The following MRAP2 variants were observed in gnomAD, a reference collection of about 807,000 sequenced individuals.
MRAP2 encodes melanocortin 2 receptor accessory protein 2, also known as melanocortin-2 receptor accessory protein 2.
Under a neutral mutation model 17.4 loss-of-function variants are expected in MRAP2, and 20 were observed. The ratio of observed to expected loss-of-function variants is 1.15; its 90% confidence interval spans 0.81 to 1.67. The LOEUF (loss-of-function observed/expected upper bound fraction) is 1.67, where lower values mean the gene tolerates loss of function less well. MRAP2 is among the 40% of genes most tolerant of loss of function. MRAP2 has a pLI of 0.00. For missense variants in MRAP2, 238 were observed against 240.0 expected, an observed-to-expected ratio of 0.99 and a Z score of 0.05; for synonymous variants, 96 against 88.4, an observed-to-expected ratio of 1.09 and a Z score of -0.48.
intron 3 of MRAP2, among the ~76,000 whole-genome samples, chr6:84,082,322 C>T (rs888929023): frequency 1.3e-5 from 2 of 152,112 alleles, no homozygotes; most frequent in African/African-American, 4.8e-5. Context: ...TTTTCTCTCT[C>T]GTATTAGTAT....
Position 84,055,308 on chromosome 6 carries a change from G to A in MRAP2, c.-7-4G>A, listed in dbSNP as rs754795029. The A allele has an allele frequency of 3.7e-6, 6 of 1,604,388 alleles. No individual in the cohort carries two copies. In the South Asian group the frequency reaches 4.5e-5, roughly 12 times the overall value. ...TCTGCGCTTGACTTTCTCCATTTGT[G>A]CAGGTCGGAGATGTCCGCCCAGAGG... On this transcript the variant is annotated splice_region_variant and splice_polypyrimidine_tract_variant and intron_variant, in intron 1 of 3. Coordinates refer to ENST00000257776, the MANE Select transcript of MRAP2 (RefSeq NM_138409.4).
At chr6:84,064,772 C>A (rs932032957) in intron 3 of MRAP2, among the ~76,000 whole-genome samples, 3 of 152,112 alleles carry the variant, frequency 2.0e-5, no homozygotes, top group Non-Finnish European at 4.4e-5. Context: ...CAGGCGTGAG[C>A]CACCGCGCCG....
the MRAP2 span, among the ~76,000 whole-genome samples, chr6:84,133,347 C>T: frequency 6.6e-6 from 1 of 151,830 alleles, no homozygotes; most frequent in Non-Finnish European, 1.5e-5. Context: ...GTTCTCAGAT[C>T]TCAAACTCCA....
chr6:84,049,981 C>CGTGTGTGTGTGTGTGTGTGTGT (rs566111982), intron 1 of MRAP2, among the ~76,000 whole-genome samples: 9 of 134,368 alleles, frequency 6.7e-5, no homozygotes, highest in African/African-American at 2.7e-4. Flanking sequence ...TGCGTGCATT[C>CGTGTGTGTGTGTGTGTGTGTGT]ATGTGTGTGT....
At chr6:84,107,132 C>T in the MRAP2 span, among the ~76,000 whole-genome samples, 1 of 152,102 alleles carries the variant, frequency 6.6e-6, no homozygotes, top group Admixed American at 6.6e-5. Context: ...GCAGAGCAGT[C>T]TGTACAACAG....
intron 1 of MRAP2, among the ~76,000 whole-genome samples, chr6:84,054,911 A>G (rs187122794): frequency 1.1e-3 from 170 of 152,332 alleles, no homozygotes; most frequent in African/African-American, 4.0e-3. Flanking sequence ...AGTATCAGCA[A>G]TGAACTAGTT....
intron 1 of MRAP2, among the ~76,000 whole-genome samples, chr6:84,046,780 C>CAAA (rs756963425): frequency 0.015 from 336 of 23,126 alleles, 27 homozygotes; most frequent in African/African-American, 0.041. Context: ...AACTCCATCT[C>CAAA]AAAAAAAAAA....
chr6:84,120,039 A>T, the MRAP2 span, among the ~76,000 whole-genome samples: 2 of 152,202 alleles, frequency 1.3e-5, no homozygotes, highest in South Asian at 4.1e-4. Context: ...TGGAGAAATG[A>T]AAGCCAGAGG....
intron 1 of MRAP2, among the ~76,000 whole-genome samples, chr6:84,036,840 T>C (rs972673649): frequency 1.3e-5 from 2 of 152,232 alleles, no homozygotes; most frequent in African/African-American, 4.8e-5. Flanking sequence ...ATCCCTGAGC[T>C]AGACACAGAG....
intron 1 of MRAP2, among the ~76,000 whole-genome samples, chr6:84,051,358 A>C (rs2129162847): frequency 6.6e-6 from 1 of 152,314 alleles, no homozygotes; most frequent in African/African-American, 2.4e-5. Flanking sequence ...GAGTTTGTAG[A>C]CCAGCCTGGC....
At chr6:84,055,593 C>T in intron 2 of MRAP2, 148 bp downstream of exon 2, 3 of 745,692 alleles carry the variant, frequency 4.0e-6, no homozygotes, top group Non-Finnish European at 4.3e-6. Flanking sequence ...ATCTCGCCTC[C>T]ACACATAGGC....
the MRAP2 span, among the ~76,000 whole-genome samples, chr6:84,138,370 G>A: frequency 1.3e-5 from 2 of 152,152 alleles, no homozygotes; most frequent in Non-Finnish European, 2.9e-5. Flanking sequence ...GAAGCCAGTG[G>A]AAATAGCCTG....
the MRAP2 span, chr6:84,125,382 G>A: frequency 5.6e-6 from 5 of 898,188 alleles, no homozygotes; most frequent in African/African-American, 6.7e-5. Flanking sequence ...GGGGAACTCA[G>A]GTAAATCATA....
At chr6:84,076,560 A>G (rs929225332) in intron 3 of MRAP2, among the ~76,000 whole-genome samples, 26 of 152,046 alleles carry the variant, frequency 1.7e-4, no homozygotes, top group African/African-American at 6.3e-4. Context: ...GGGTTTCACC[A>G]CGTTGCCCAG....
downstream of MRAP2, among the ~76,000 whole-genome samples, chr6:84,095,700 A>G (rs2099502560): frequency 6.6e-6 from 1 of 152,174 alleles, no homozygotes; most frequent in African/African-American, 2.4e-5. Context: ...CCCAGAAAAG[A>G]TGTGTAGTAG....
intron 2 of MRAP2, among the ~76,000 whole-genome samples, chr6:84,057,451 T>G (rs1038361260): frequency 6.6e-6 from 1 of 152,240 alleles, no homozygotes; most frequent in African/African-American, 2.4e-5. Context: ...CTGCTGAAAT[T>G]AAGATTCCTA....
At chr6:84,050,780 C>G (rs1240062641) in intron 1 of MRAP2, among the ~76,000 whole-genome samples, 1 of 152,144 alleles carries the variant, frequency 6.6e-6, no homozygotes, top group Non-Finnish European at 1.5e-5. Context: ...GGGTGGCATG[C>G]CTACTTTTGG....
chr6:84,042,370 G>A (rs923678672), intron 1 of MRAP2, among the ~76,000 whole-genome samples: 1 of 152,168 alleles, frequency 6.6e-6, no homozygotes, highest in Non-Finnish European at 1.5e-5. Context: ...TATCCCAATG[G>A]GAGAGGAGGG....
intron 3 of MRAP2, among the ~76,000 whole-genome samples, chr6:84,084,859 CTTT>C (rs2099499889): frequency 2.7e-4 from 37 of 137,102 alleles, no homozygotes; most frequent in Non-Finnish European, 1.5e-4. Flanking sequence ...CATTTCATTT[CTTT>C]ATTTTATTTT....
Sources: gnomAD v4.1 joint callset for allele counts (sites outside exome capture counted in the v4.1 genomes callset) on GRCh38, gnomAD v4.1.1 for gene constraint, MANE v1.5 for transcripts, NCBI Gene and HGNC (gene_info 2026-07-23, HGNC 2026-07-21) for gene names.